The following PCDH11X variants were observed in gnomAD, a reference collection of about 807,000 sequenced individuals.
PCDH11X encodes protocadherin 11 X-linked.
A neutral mutation model predicts 53.3 loss-of-function variants in PCDH11X; 18 were observed. That is an observed-to-expected ratio of 0.34 (90% CI 0.23 to 0.50). PCDH11X has a LOEUF of 0.50. Ranked by LOEUF, PCDH11X falls within the 20% of genes least tolerant of loss-of-function variation. The pLI is 0.98. For synonymous variants in PCDH11X, 279 were observed against 393.3 expected (o/e 0.71, Z 3.44); for missense variants, 570 against 1,032.4 (o/e 0.55, Z 6.14).
rs139268853 is a variant in PCDH11X, at chrX:92,218,744, A to T, written c.3114+17289A>T. On this transcript the variant is annotated intron_variant, in intron 7 of 10. Transcript: ENST00000682573. ...CCAAAGCCTGACAGAGACACAACCA[A>T]AAAAAAGAATTTTAGACCAATATCC... Among the ~76,000 whole-genome samples the T allele has an allele frequency of 1.7e-3, 189 of 111,668 alleles. 3 individuals are homozygous for T. Among genetic ancestry groups the T allele is most frequent in the East Asian group, 0.016 (56 of 3,541 alleles).
At chrX:92,403,329 GTTTTTTTTTGTTTTTTTTT>G (rs2071430239) in intron 9 of PCDH11X, among the ~76,000 whole-genome samples, 1 of 58,816 alleles carries the variant, frequency 1.7e-5, no homozygotes, top group South Asian at 1.3e-3. Flanking sequence ...GGGCATTTAC[GTTTTTTTTTGTTTTTTTTT>G]TTTTTTTTTT....
intron 6 of PCDH11X, among the ~76,000 whole-genome samples, chrX:92,128,354 T>TA (rs776091946): frequency 2.8e-3 from 284 of 102,382 alleles, no homozygotes; most frequent in East Asian, 9.6e-3. Context: ...CACAAATAAC[T>TA]AAAAAAAAAA....
rs1164022576 is a variant in PCDH11X at position 91,854,541 on chromosome X, T to C, written c.540+18497T>C. On this transcript the variant is annotated intron_variant, in intron 5 of 10. Coordinates refer to ENST00000682573, the MANE Select transcript of PCDH11X (RefSeq NM_032968.5). ...CAGCAATGGGATTGCTGGATTGTAA[T>C]GGTAGCTCAATTCTTAGTTTTTTGA... is the stretch of plus-strand genomic sequence containing the variant. Among the ~76,000 whole-genome samples the C allele has an allele frequency of 2.7e-5, 3 of 112,387 alleles. No individual in the cohort carries two copies. The East Asian group carries it at 8.4e-4, about 31-fold the overall frequency.
chrX:92,320,938 TC>T (rs1204770243), intron 8 of PCDH11X, among the ~76,000 whole-genome samples: 1 of 108,199 alleles, frequency 9.2e-6, no homozygotes, highest in Non-Finnish European at 1.9e-5. Context: ...TGACCCATGT[TC>T]ACTTTGGGGC....
intron 10 of PCDH11X, among the ~76,000 whole-genome samples, chrX:92,555,554 C>T (rs1046260662): frequency 2.7e-5 from 3 of 111,657 alleles, no homozygotes; most frequent in Non-Finnish European, 5.6e-5. Context: ...TTATTGTAGG[C>T]AGTGCTTGCA....
At chrX:92,484,878 A>C (rs1432491336) in intron 10 of PCDH11X, among the ~76,000 whole-genome samples, 11 of 111,058 alleles carry the variant, frequency 9.9e-5, no homozygotes, top group Non-Finnish European at 1.3e-4. Context: ...TTGCTGTATA[A>C]AATGAGGAGG....
chrX:92,002,790 G>A, intron 6 of PCDH11X, among the ~76,000 whole-genome samples: 1 of 108,185 alleles, frequency 9.2e-6, no homozygotes, highest in Non-Finnish European at 1.9e-5. Flanking sequence ...TAGTTTTCTT[G>A]TGGAGTTGTT....
At chrX:92,126,295 T>C (rs1396235776) in intron 6 of PCDH11X, among the ~76,000 whole-genome samples, 2 of 110,979 alleles carry the variant, frequency 1.8e-5, no homozygotes, top group Non-Finnish European at 3.8e-5. Flanking sequence ...CACAAATGTT[T>C]TGATTAAACA....
At chrX:92,348,149 A>G (rs1394171746) in intron 8 of PCDH11X, among the ~76,000 whole-genome samples, 2 of 111,623 alleles carry the variant, frequency 1.8e-5, no homozygotes, top group African/African-American at 3.3e-5. Context: ...CTAAAGCTGA[A>G]GCAAAACGGT....
chrX:92,544,257 A>T (rs949088464), intron 10 of PCDH11X, among the ~76,000 whole-genome samples: 1 of 112,038 alleles, frequency 8.9e-6, no homozygotes, highest in African/African-American at 3.2e-5. Flanking sequence ...AAAGAAATGT[A>T]CCATTTTAAG....
rs377076136 is a variant in PCDH11X, at chrX:92,622,782, G to A, written c.*3842G>A. 5.1e-4 allele frequency: 56 copies of A among 109,175 alleles called. No homozygotes were observed. In the East Asian group the frequency reaches 0.011, roughly 22 times the overall value. 9.0% of individuals were successfully genotyped at this position (109,175 alleles called of 1,213,427 possible). On this transcript the variant is annotated 3_prime_UTR_variant, in exon 11 of 11. Coordinates refer to ENST00000682573, the MANE Select transcript of PCDH11X (RefSeq NM_032968.5). ...TCACAGTAGCTTTCTTACACTAACC[G>A]TCATGTGCTTTTAGTAAATATGATT... is the stretch of plus-strand genomic sequence containing the variant.
chrX:92,448,525 A>C (rs370852525), intron 9 of PCDH11X, among the ~76,000 whole-genome samples: 2,081 of 90,855 alleles, frequency 0.023, 58 homozygotes, highest in African/African-American at 0.065. Flanking sequence ...TTATGCCATG[A>C]GTGTGAGCCC....
intron 6 of PCDH11X, among the ~76,000 whole-genome samples, chrX:92,102,219 A>C (rs1172250053): frequency 3.6e-5 from 4 of 111,639 alleles, no homozygotes; most frequent in African/African-American, 1.3e-4. Flanking sequence ...TATATGCGTC[A>C]GGTATGAGGA....
At chrX:92,177,860 A>T (rs1272160094) in intron 6 of PCDH11X, among the ~76,000 whole-genome samples, 2 of 110,735 alleles carry the variant, frequency 1.8e-5, no homozygotes, top group Non-Finnish European at 3.8e-5. Context: ...ATTAATGATA[A>T]ATTATATTAT....
intron 6 of PCDH11X, among the ~76,000 whole-genome samples, chrX:92,115,058 C>T (rs1464738010): frequency 9.1e-6 from 1 of 110,152 alleles, no homozygotes; most frequent in Non-Finnish European, 1.9e-5. Context: ...ATCCGCCCTC[C>T]TCAGCCTCCC....
At chrX:92,575,905 G>GTATATATATATATA (rs58574424) in intron 10 of PCDH11X, among the ~76,000 whole-genome samples, 1 of 25,827 alleles carries the variant, frequency 3.9e-5, no homozygotes. Flanking sequence ...TACCTGGTGT[G>GTATATATATATATA]TATATATATA....
rs762404524 is a variant in PCDH11X at position 92,532,540 on chromosome X, T to G, written c.3367+64218T>G. 6.5e-5 allele frequency among the ~76,000 whole-genome samples: 7 copies of G among 108,158 alleles called. No homozygotes were observed. In the South Asian group the frequency reaches 2.8e-3, roughly 44 times the overall value. The allele number at this position is 108,158 out of a possible 115,157, so 93.9% of individuals were successfully genotyped here. A position where few individuals can be genotyped will look rare whatever the true frequency, so the allele number is the denominator to read the frequency against. ...GTTAGGTTCATGTAAAAAAACAACATGAAAAGTGAAAAGATGCTTACCTTT... is the reference window on the plus strand; with the variant it reads ...GTTAGGTTCATGTAAAAAAACAACAGGAAAAGTGAAAAGATGCTTACCTTT... On this transcript the variant is annotated intron_variant, in intron 10 of 10. Transcript: ENST00000682573.
chrX:91,844,109 G>T (rs1937576453), intron 5 of PCDH11X, among the ~76,000 whole-genome samples: 1 of 111,757 alleles, frequency 8.9e-6, no homozygotes, highest in Non-Finnish European at 1.9e-5. Flanking sequence ...TACTCTGTAG[G>T]TTGAGGTTAA....
intron 8 of PCDH11X, among the ~76,000 whole-genome samples, chrX:92,288,386 ACTT>A (rs2068425539): frequency 9.7e-6 from 1 of 103,626 alleles, no homozygotes; most frequent in Non-Finnish European, 2.0e-5. Context: ...TGAGTTAGTT[ACTT>A]CTTTTTTTTT....
Sources: gnomAD v4.1 joint callset for allele counts (sites outside exome capture counted in the v4.1 genomes callset) on GRCh38, gnomAD v4.1.1 for gene constraint, MANE v1.5 for transcripts, NCBI Gene and HGNC (gene_info 2026-07-23, HGNC 2026-07-21) for gene names.